The following CCDC7 variants were observed in gnomAD, a reference collection of about 807,000 sequenced individuals.
The protein encoded by CCDC7 is coiled-coil domain containing 7, also known as coiled-coil domain-containing protein 7.
In CCDC7, 183 loss-of-function variants were observed where a neutral mutation model predicts 196.9. That is an observed-to-expected ratio of 0.93 (90% CI 0.82 to 1.05). CCDC7 has a LOEUF of 1.05. Ranked by LOEUF, CCDC7 falls within the 50% of genes least tolerant of loss-of-function variation. The probability of loss-of-function intolerance (pLI) is 0.00; values close to 1 mark genes in which losing one functional copy is unlikely to be tolerated. For synonymous variants in CCDC7, 525 were observed against 484.6 expected, an observed-to-expected ratio of 1.08 and a Z score of -1.10; for missense variants, 1,540 against 1,482.2, an observed-to-expected ratio of 1.04 and a Z score of -0.64.
chr10:32,576,832 A>C (rs551833518), intron 16 of CCDC7, among the ~76,000 whole-genome samples: 1 of 152,190 alleles, frequency 6.6e-6, no homozygotes, highest in African/African-American at 2.4e-5. Flanking sequence ...TGTCTTTTGA[A>C]TAAATTCCTT....
At chr10:32,670,506 G>A (rs1206179033) in intron 21 of CCDC7, among the ~76,000 whole-genome samples, 1 of 150,940 alleles carries the variant, frequency 6.6e-6, no homozygotes, top group Non-Finnish European at 1.5e-5. Context: ...TCGTCATCTA[G>A]CATTAGGTAT....
downstream of CCDC7, among the ~76,000 whole-genome samples, chr10:32,881,222 T>C (rs955229373): frequency 6.6e-6 from 1 of 152,050 alleles, no homozygotes; most frequent in African/African-American, 2.4e-5. Context: ...TAGGTACCAG[T>C]TGATTATAGA....
chr10:32,474,602 G>A (rs1419530405), intron 8 of CCDC7, among the ~76,000 whole-genome samples: 1 of 152,016 alleles, frequency 6.6e-6, no homozygotes, highest in African/African-American at 2.4e-5. Flanking sequence ...TGATTAGAAC[G>A]TACTACTGAA....
At chr10:32,761,323 A>G (rs2077436004) in intron 28 of CCDC7, among the ~76,000 whole-genome samples, 1 of 152,018 alleles carries the variant, frequency 6.6e-6, no homozygotes, top group Non-Finnish European at 1.5e-5. Context: ...GGTACTTGAT[A>G]CAGAACAAAG....
chr10:32,798,573 C>T (rs924694190), intron 29 of CCDC7, among the ~76,000 whole-genome samples: 3 of 152,228 alleles, frequency 2.0e-5, no homozygotes, highest in African/African-American at 7.2e-5. Context: ...CAGAGAGGTC[C>T]ATCCACATAC....
intron 18 of CCDC7, among the ~76,000 whole-genome samples, chr10:32,625,752 G>A (rs1274105486): frequency 6.6e-6 from 1 of 152,000 alleles, no homozygotes; most frequent in East Asian, 1.9e-4. Context: ...AGCCTGTGCA[G>A]CCCCCATTCT....
intron 32 of CCDC7, among the ~76,000 whole-genome samples, chr10:32,832,971 G>A (rs530050762): frequency 6.6e-6 from 1 of 152,134 alleles, no homozygotes; most frequent in Non-Finnish European, 1.5e-5. Flanking sequence ...GTAAGAAAAT[G>A]ACAATAGATG....
At chr10:32,603,336 T>G (rs953338606) in intron 18 of CCDC7, among the ~76,000 whole-genome samples, 4 of 152,196 alleles carry the variant, frequency 2.6e-5, no homozygotes, top group African/African-American at 9.6e-5. Context: ...CATGTTTTCT[T>G]TATCCATTCA....
intron 13 of CCDC7, among the ~76,000 whole-genome samples, chr10:32,554,318 C>T (rs778621277): frequency 3.9e-5 from 6 of 152,224 alleles, no homozygotes; most frequent in Non-Finnish European, 8.8e-5. Flanking sequence ...GTGCCCTCCC[C>T]TGAGTTCTGG....
chr10:32,567,070 A>G (rs2136939962), intron 14 of CCDC7, among the ~76,000 whole-genome samples: 1 of 145,954 alleles, frequency 6.9e-6, no homozygotes, highest in East Asian at 2.0e-4. Context: ...TAGCTAATAT[A>G]TAATATATAT....
At chr10:32,830,594 A>G (rs1211857076) in intron 32 of CCDC7, among the ~76,000 whole-genome samples, 1 of 152,190 alleles carries the variant, frequency 6.6e-6, no homozygotes, top group African/African-American at 2.4e-5. Flanking sequence ...CAAAAAGATT[A>G]AAAGTATTTT....
downstream of CCDC7, among the ~76,000 whole-genome samples, chr10:32,880,999 C>T (rs2094771954): frequency 6.6e-6 from 1 of 152,166 alleles, no homozygotes; most frequent in Admixed American, 6.6e-5. Flanking sequence ...CAGATATCAA[C>T]AGAAGTGACT....
chr10:32,624,978 G>T (rs1206300827), intron 18 of CCDC7, among the ~76,000 whole-genome samples: 6 of 109,020 alleles, frequency 5.5e-5, no homozygotes, highest in Non-Finnish European at 8.0e-5. Context: ...TCTTTGCTTT[G>T]CACAAGTTTT....
At chr10:32,574,118 A>T (rs774328959) in intron 16 of CCDC7, among the ~76,000 whole-genome samples, 1 of 151,960 alleles carries the variant, frequency 6.6e-6, no homozygotes, top group African/African-American at 2.4e-5. Flanking sequence ...TGCCAAGTGG[A>T]CAGAACTTTG....
intron 28 of CCDC7, among the ~76,000 whole-genome samples, chr10:32,736,547 C>T (rs572191754): frequency 1.3e-5 from 2 of 152,058 alleles, no homozygotes; most frequent in African/African-American, 4.8e-5. Flanking sequence ...CCGCTCCCCC[C>T]ACCCCACAAC....
At chr10:32,701,685 C>G (rs1341013214) in intron 24 of CCDC7, among the ~76,000 whole-genome samples, 2 of 152,160 alleles carry the variant, frequency 1.3e-5, no homozygotes, top group Non-Finnish European at 2.9e-5. Flanking sequence ...ATTATTGCCT[C>G]AATTTCAGAG....
intron 21 of CCDC7, among the ~76,000 whole-genome samples, chr10:32,665,208 C>A (rs1168038294): frequency 1.3e-5 from 2 of 152,026 alleles, no homozygotes; most frequent in Non-Finnish European, 2.9e-5. Context: ...TAAATTGGAT[C>A]TTAACTGCTT....
intron 23 of CCDC7, among the ~76,000 whole-genome samples, chr10:32,690,271 G>T (rs921940510): frequency 6.6e-6 from 1 of 152,150 alleles, no homozygotes; most frequent in African/African-American, 2.4e-5. Context: ...ATAATGAAAG[G>T]CTAGTCCTCC....
At chr10:32,877,766 T>C (rs900459206), downstream of CCDC7, among the ~76,000 whole-genome samples, 5 of 152,104 alleles carry the variant, frequency 3.3e-5, no homozygotes, top group Admixed American at 2.6e-4. Flanking sequence ...AAATACAAAA[T>C]AGAACTCACC....
Sources: allele counts gnomAD v4.1 joint callset (sites outside exome capture counted in the v4.1 genomes callset), GRCh38; gene constraint gnomAD v4.1.1; transcripts MANE v1.5; gene names NCBI Gene and HGNC (gene_info 2026-07-23, HGNC 2026-07-21).